Variants in SUPT3H observed in about 807,000 individuals in gnomAD.
SUPT3H encodes the protein SPT3 homolog, SAGA and STAGA complex component, also known as transcription initiation protein SPT3 homolog.
In SUPT3H, 44 loss-of-function variants were observed where a neutral mutation model predicts 44.3. The ratio of observed to expected loss-of-function variants is 0.99; its 90% CI spans 0.78 to 1.28. The LOEUF (loss-of-function observed/expected upper bound fraction) is 1.28, where lower values mean the gene tolerates loss of function less well. Ranked by LOEUF, SUPT3H falls within the 50% of genes most tolerant of loss-of-function variation. SUPT3H has a pLI of 0.00. For missense variants in SUPT3H, 380 were observed against 387.1 expected, an observed-to-expected ratio of 0.98 and a Z score of 0.15; for synonymous variants, 124 against 125.6, an observed-to-expected ratio of 0.99 and a Z score of 0.09.
chr6:45,224,756 C>G (rs535988972), intron 2 of SUPT3H, among the ~76,000 whole-genome samples: 1 of 144,378 alleles, frequency 6.9e-6, no homozygotes, highest in African/African-American at 2.6e-5. Context: ...CTAGCCTGGG[C>G]GAAAGAGTGA....
At chr6:44,893,820 T>C (rs1001421573) in intron 10 of SUPT3H, among the ~76,000 whole-genome samples, 1 of 140,426 alleles carries the variant, frequency 7.1e-6, no homozygotes, top group African/African-American at 2.6e-5. Context: ...ATGGTTGAAC[T>C]AGTTTACAGT....
At chr6:45,356,622 A>C (rs1793244119) in intron 2 of SUPT3H, among the ~76,000 whole-genome samples, 1 of 151,994 alleles carries the variant, frequency 6.6e-6, no homozygotes, top group East Asian at 1.9e-4. Flanking sequence ...GCTGGTCTCG[A>C]ACTCCTGACT....
chr6:45,178,609 T>C (rs1812484690), intron 2 of SUPT3H, among the ~76,000 whole-genome samples: 1 of 151,988 alleles, frequency 6.6e-6, no homozygotes, highest in Non-Finnish European at 1.5e-5. Flanking sequence ...CAACAGAATA[T>C]ACATTTTTTT....
At chr6:44,878,380 T>C (rs1777638876) in intron 10 of SUPT3H, among the ~76,000 whole-genome samples, 1 of 152,196 alleles carries the variant, frequency 6.6e-6, no homozygotes, top group Admixed American at 6.5e-5. Flanking sequence ...TTTGTGGGTA[T>C]GTTTCTAATC....
chr6:45,317,748 A>G (rs1025823748), intron 2 of SUPT3H, among the ~76,000 whole-genome samples: 2 of 152,188 alleles, frequency 1.3e-5, no homozygotes, highest in Non-Finnish European at 2.9e-5. Flanking sequence ...AGAAGAAAAC[A>G]GAGGGGAAAA....
chr6:44,948,014 A>C (rs1252637529), intron 9 of SUPT3H, among the ~76,000 whole-genome samples: 18 of 152,186 alleles, frequency 1.2e-4, no homozygotes, highest in Admixed American at 1.2e-3. Context: ...AGCTTTCTAC[A>C]TATGGCTAGC....
At chr6:45,223,376 A>C (rs892802693) in intron 2 of SUPT3H, among the ~76,000 whole-genome samples, 1 of 152,108 alleles carries the variant, frequency 6.6e-6, no homozygotes, top group Non-Finnish European at 1.5e-5. Flanking sequence ...TCTCAAAATA[A>C]AAAGTTTAAT....
chr6:45,176,714 C>A (rs939087366), intron 2 of SUPT3H, among the ~76,000 whole-genome samples: 42 of 148,728 alleles, frequency 2.8e-4, no homozygotes, highest in African/African-American at 9.3e-4. Flanking sequence ...CTCCCAGCAC[C>A]CAGCTGGAGA....
chr6:45,356,636 C>G (rs1793246521), intron 2 of SUPT3H, among the ~76,000 whole-genome samples: 1 of 151,924 alleles, frequency 6.6e-6, no homozygotes, highest in African/African-American at 2.4e-5. Context: ...CCTGACTGAC[C>G]TCAAGTGATC....
chr6:44,842,182 G>A (rs1428361227), intron 10 of SUPT3H, among the ~76,000 whole-genome samples: 3 of 152,114 alleles, frequency 2.0e-5, no homozygotes, highest in Non-Finnish European at 2.9e-5. Flanking sequence ...TGGGAACATT[G>A]AGAATGACTT....
chr6:45,168,847 A>AACAC (rs1298179696), intron 2 of SUPT3H, among the ~76,000 whole-genome samples: 1 of 152,202 alleles, frequency 6.6e-6, no homozygotes, highest in Non-Finnish European at 1.5e-5. Flanking sequence ...TTAAACTGTT[A>AACAC]AGGGCCTTCA....
At position 45,020,599 on chromosome 6, in the gene SUPT3H, C is replaced by T; in HGVS notation, c.220G>A (p.Gly74Arg). 1 of 1,611,534 alleles carries T rather than the reference C, an allele frequency of 6.2e-7. No individual in the cohort carries two copies. Reference protein sequence around the residue: ...QQAAEVSQLRGARVITPEDLL... With the variant: ...QQAAEVSQLRRARVITPEDLL... Reference sequence around the variant, plus strand: ...TCTTCAGGAGTGATTACCCTTGCTCCCCGCAGCTGAGAAACTTCAGCAGCT... The same window carrying T: ...TCTTCAGGAGTGATTACCCTTGCTCTCCGCAGCTGAGAAACTTCAGCAGCT... Residue 74 changes from glycine to arginine, a missense_variant, in exon 4 of 11, where the codon GGA becomes AGA. Transcript: ENST00000371459.
At chr6:45,035,796 G>A (rs1398845156) in intron 3 of SUPT3H, among the ~76,000 whole-genome samples, 1 of 151,608 alleles carries the variant, frequency 6.6e-6, no homozygotes, top group African/African-American at 2.4e-5. Context: ...AAACACTTGA[G>A]TCTAGTATAT....
At chr6:45,302,549 A>G in intron 2 of SUPT3H, among the ~76,000 whole-genome samples, 1 of 119,008 alleles carries the variant, frequency 8.4e-6, no homozygotes, top group African/African-American at 3.3e-5. Flanking sequence ...ATATATATAT[A>G]TATATATGCA....
At chr6:44,989,424 C>T (rs1481921932) in intron 6 of SUPT3H, among the ~76,000 whole-genome samples, 2 of 152,116 alleles carry the variant, frequency 1.3e-5, no homozygotes, top group African/African-American at 4.8e-5. Flanking sequence ...GTTTCCACAT[C>T]TTGGCTATCT....
chr6:45,112,036 T>C (rs969177637), intron 2 of SUPT3H, among the ~76,000 whole-genome samples: 2 of 152,218 alleles, frequency 1.3e-5, no homozygotes, highest in Admixed American at 6.5e-5. Flanking sequence ...TAAGAAGTAC[T>C]GCAATGAGCA....
chr6:44,903,566 G>T (rs984572392), intron 10 of SUPT3H, among the ~76,000 whole-genome samples: 3 of 152,094 alleles, frequency 2.0e-5, no homozygotes, highest in Non-Finnish European at 2.9e-5. Context: ...AAAAGTCCAG[G>T]ACCAGATGGA....
chr6:45,206,478 C>G (rs1023846157), intron 2 of SUPT3H, among the ~76,000 whole-genome samples: 3 of 151,634 alleles, frequency 2.0e-5, no homozygotes, highest in African/African-American at 7.3e-5. Flanking sequence ...CACAGCCCAT[C>G]ATAAAATATG....
chr6:45,313,185 G>A (rs1784216504), intron 2 of SUPT3H, among the ~76,000 whole-genome samples: 1 of 152,064 alleles, frequency 6.6e-6, no homozygotes, highest in Non-Finnish European at 1.5e-5. Context: ...CATCAAAAAG[G>A]TTGAAAGAGC....
Sources: gnomAD v4.1 joint callset for allele counts (sites outside exome capture counted in the v4.1 genomes callset) on GRCh38, gnomAD v4.1.1 for gene constraint, MANE v1.5 for transcripts, NCBI Gene and HGNC (gene_info 2026-07-23, HGNC 2026-07-21) for gene names.